Variants in GOLGA5 observed in about 807,000 individuals in gnomAD.
The protein encoded by GOLGA5 is golgin subfamily A member 5.
A neutral mutation model predicts 93.5 loss-of-function variants in GOLGA5; 50 were observed. That is an observed-to-expected ratio of 0.53 (90% CI 0.43 to 0.68). The LOEUF (loss-of-function observed/expected upper bound fraction) is 0.68, where lower values mean the gene tolerates loss of function less well. Ranked by LOEUF, GOLGA5 falls within the 30% of genes least tolerant of loss-of-function variation. The pLI, the probability that GOLGA5 is intolerant of heterozygous loss-of-function variation, is 0.00. For missense variants in GOLGA5, 760 were observed against 856.4 expected (o/e 0.89, Z 1.40); for synonymous variants, 312 against 304.5 (o/e 1.02, Z -0.26).
chr14:92,835,580 C>G lies in GOLGA5; in HGVS notation c.1967C>G (p.Pro656Arg). 6.2e-7 allele frequency: 1 copy of G among 1,612,504 alleles called. No homozygotes were observed. Among genetic ancestry groups the G allele is most frequent in the South Asian group, 1.1e-5 (1 of 90,984 alleles). ...ACAGGCACTCGTCTGCGAAATGTTC[C>G]TGTTCTTTTTAATGACACAGAAACT... ...NGEGTRLRNVPVLFNDTETNL... is the reference protein window; with the variant it reads ...NGEGTRLRNVRVLFNDTETNL... Residue 656 changes from proline (P) to arginine (R), a missense_variant, in exon 11 of 13, where the codon CCT becomes CGT. Transcript: ENST00000163416.
chr14:92,833,481 G>A (rs539994382), intron 10 of GOLGA5, 134 bp downstream of exon 10: 36 of 645,606 alleles, frequency 5.6e-5, no homozygotes, highest in African/African-American at 2.4e-4. Context: ...CCTGGGCCAC[G>A]TACTGTTTAG....
chr14:92,834,221 CTTTAAG>C (rs1885591694), intron 10 of GOLGA5, among the ~76,000 whole-genome samples: 1 of 131,592 alleles, frequency 7.6e-6, no homozygotes. Flanking sequence ...TATTATTATA[CTTTAAG>C]TTTTAGGGTA....
At chr14:92,810,466 A>G in intron 5 of GOLGA5, 89 bp downstream of exon 5, 3 of 920,226 alleles carry the variant, frequency 3.3e-6, no homozygotes, top group Non-Finnish European at 4.7e-6. Flanking sequence ...ACTGTCTAAT[A>G]TAATTCTGCA....
chr14:92,833,635 A>G (rs1475817881), intron 10 of GOLGA5, among the ~76,000 whole-genome samples: 1 of 152,224 alleles, frequency 6.6e-6, no homozygotes, highest in Non-Finnish European at 1.5e-5. Flanking sequence ...AATTCAGTAG[A>G]GAGGAGCTTT....
intron 11 of GOLGA5, among the ~76,000 whole-genome samples, chr14:92,836,508 G>A (rs780521184): frequency 6.6e-6 from 1 of 152,096 alleles, no homozygotes; most frequent in Non-Finnish European, 1.5e-5. Flanking sequence ...AATGAAAGAA[G>A]CAGAAAGGGG....
rs150295315 is a variant in GOLGA5, at chr14:92,833,341, G to C, written c.1939G>C (p.Gly647Arg). The change falls in exon 10 of 13, where the codon GGT becomes CGT. Residue 647 changes from glycine (G) to arginine (R), a missense_variant. By Grantham distance (125) the Gly-to-Arg change is moderately radical. Coordinates refer to ENST00000163416, the MANE Select transcript of GOLGA5 (RefSeq NM_005113.4). ...GATTAATATGTCTGGAATTGACAAT[G>C]GTGAAGGTAATCAAAAAAGGAATCT... ...SSINMSGIDN[G>R]EGTRLRNVPV... 15 of 1,580,004 alleles carry C rather than the reference G, an allele frequency of 9.5e-6. No individual in the cohort carries two copies. The highest frequency in any genetic ancestry group is 1.3e-5 in the Non-Finnish European group (15 of 1,149,204).
intron 11 of GOLGA5, among the ~76,000 whole-genome samples, chr14:92,836,723 C>T (rs1230835158): frequency 6.6e-6 from 1 of 152,096 alleles, no homozygotes; most frequent in Non-Finnish European, 1.5e-5. Context: ...TCCCCAGTCA[C>T]ATAGTTGACA....
rs1885053446 is a variant in GOLGA5, at chr14:92,809,197, T to C, written c.773-103T>C. The C allele has an allele frequency of 8.3e-6, 6 of 718,808 alleles. No homozygotes were observed. In the Middle Eastern group the frequency reaches 1.0e-3, roughly 126 times the overall value. 44.5% of individuals were successfully genotyped at this position (718,808 alleles called of 1,614,324 possible). Reference sequence around the variant, plus strand: ...GAAGACGTGTAAGTTCCCAATTTTGTCAATAAGGAAAGTACTAAAGGCACT... The same window carrying C: ...GAAGACGTGTAAGTTCCCAATTTTGCCAATAAGGAAAGTACTAAAGGCACT... On this transcript the variant is annotated intron_variant, in intron 3 of 12. Transcript: ENST00000163416.
intron 12 of GOLGA5, among the ~76,000 whole-genome samples, chr14:92,838,823 G>C (rs1018990733): frequency 6.6e-6 from 1 of 152,074 alleles, no homozygotes; most frequent in African/African-American, 2.4e-5. Flanking sequence ...CATGAGATGT[G>C]ATTTCTGGCA....
chr14:92,813,233 T>A (rs1885138497), intron 6 of GOLGA5, among the ~76,000 whole-genome samples: 1 of 152,210 alleles, frequency 6.6e-6, no homozygotes, highest in Non-Finnish European at 1.5e-5. Context: ...CATTGAAAAG[T>A]TACTTATTGA....
Position 92,806,941 on chromosome 14 carries a change from A to G in GOLGA5, c.750A>G (p.Gln250=). ...SLNQEMASLL[Q]RSKETQEELN... ...ATCAAGAAATGGCCTCGTTACTCCAAAGATCCAAAGAGACTCAAGAAGGTA... is the reference window on the plus strand; with the variant it reads ...ATCAAGAAATGGCCTCGTTACTCCAGAGATCCAAAGAGACTCAAGAAGGTA... Residue 250 remains glutamine, a synonymous_variant, in exon 3 of 13, where the codon CAA becomes CAG. Transcript: ENST00000163416. 6.2e-7 allele frequency: 1 copy of G among 1,601,404 alleles called. No homozygotes were observed. The highest frequency in any genetic ancestry group is 8.6e-7 in the Non-Finnish European group (1 of 1,168,324).
At chr14:92,816,107 C>T (rs1395280506) in intron 6 of GOLGA5, 144 bp from the exon 7 acceptor site, 6 of 605,766 alleles carry the variant, frequency 9.9e-6, no homozygotes, top group Non-Finnish European at 1.7e-5. Flanking sequence ...GTTTTTTATC[C>T]TTAGGGATTT....
At chr14:92,834,184 C>CTTTTTTTTTTTTTTTTT (rs35449807) in intron 10 of GOLGA5, among the ~76,000 whole-genome samples, 24 of 135,096 alleles carry the variant, frequency 1.8e-4, no homozygotes, top group Non-Finnish European at 2.8e-4. Flanking sequence ...TAGGTTTCAC[C>CTTTTTTTTTTTTTTTTT]TTTTTTTTTT....
Position 92,797,599 on chromosome 14 carries a change from T to A in GOLGA5, c.162T>A (p.Tyr54Ter), listed in dbSNP as rs775140712. Residue 54 changes from tyrosine (Y) to a stop codon, truncating the protein, a stop_gained, in exon 2 of 13, where the codon TAT (tyrosine) becomes TAA (stop). Transcript: ENST00000163416. LOFTEE classifies it high-confidence loss of function. ...ACCAGCAAAATACAGATTTGATATA[T>A]CAGACTGGACCTAAATCTACGTATA... is the stretch of plus-strand genomic sequence containing the variant. ...ELHQQNTDLI[Y>*]QTGPKSTYIS... The A allele has an allele frequency of 6.2e-7, 1 of 1,613,666 alleles. No homozygotes were observed.
At chr14:92,794,567 G>C (rs902163720) in intron 1 of GOLGA5, 111 bp downstream of exon 1, 4 of 152,368 alleles carry the variant, frequency 2.6e-5, no homozygotes, top group African/African-American at 7.2e-5. Flanking sequence ...CTTTCGGGTC[G>C]CGCTCATCTT....
chr14:92,806,890 G>A lies in GOLGA5; in HGVS notation c.699G>A (p.Leu233=), dbSNP rs1884999249. ...CTAACCTTCGACTGGAGAATCAGCT[G>A]CTGAGGAATGAAGTTCAGTCTTTAA... The part of the protein sequence containing the change: ...ELSNLRLENQ[L]LRNEVQSLNQ... The change falls in exon 3 of 13, where the codon CTG becomes CTA. Residue 233 remains leucine, a synonymous_variant. Transcript: ENST00000163416. 6.2e-7 allele frequency: 1 copy of A among 1,613,890 alleles called. No homozygotes were observed. The highest frequency in any genetic ancestry group is 8.5e-7 in the Non-Finnish European group (1 of 1,179,776).
chr14:92,795,587 C>T (rs972866733), intron 1 of GOLGA5, among the ~76,000 whole-genome samples: 1 of 152,186 alleles, frequency 6.6e-6, no homozygotes, highest in Non-Finnish European at 1.5e-5. Flanking sequence ...TACCTGTGTA[C>T]AGCATCAGTC....
At chr14:92,818,940 A>G (rs1463318556) in intron 7 of GOLGA5, among the ~76,000 whole-genome samples, 5 of 152,318 alleles carry the variant, frequency 3.3e-5, no homozygotes, top group East Asian at 3.9e-4. Context: ...AACCAATAAT[A>G]GTAATAAAGT....
At chr14:92,810,955 C>T (rs1184262720) in intron 5 of GOLGA5, among the ~76,000 whole-genome samples, 1 of 152,192 alleles carries the variant, frequency 6.6e-6, no homozygotes, top group Non-Finnish European at 1.5e-5. Context: ...GTCAGGGTTG[C>T]AAACCACTGG....
Sources: allele counts gnomAD v4.1 joint callset (sites outside exome capture counted in the v4.1 genomes callset), GRCh38; gene constraint gnomAD v4.1.1; transcripts MANE v1.5; gene names NCBI Gene and HGNC (gene_info 2026-07-23, HGNC 2026-07-21).